Variants in AKAP6 observed in about 807,000 individuals in gnomAD.
The protein encoded by AKAP6 is A-kinase anchoring protein 6.
A neutral mutation model predicts 188.5 loss-of-function variants in AKAP6; 58 were observed. The ratio of observed to expected loss-of-function variants is 0.31; its 90% CI spans 0.25 to 0.38. The LOEUF (loss-of-function observed/expected upper bound fraction) is 0.38. Ranked by LOEUF, AKAP6 falls within the 10% of genes least tolerant of loss-of-function variation. The pLI, the probability that AKAP6 is intolerant of heterozygous loss-of-function variation, is 1.00. For missense variants in AKAP6, 2,710 were observed against 2,740.0 expected (o/e 0.99, Z 0.24); for synonymous variants, 989 against 998.6 (o/e 0.99, Z 0.18).
intron 9 of AKAP6, among the ~76,000 whole-genome samples, chr14:32,702,366 G>A (rs546168091): frequency 1.3e-5 from 2 of 151,756 alleles, no homozygotes; most frequent in East Asian, 3.9e-4. Flanking sequence ...GAGCTTTGAT[G>A]AATCAGTGTT....
chr14:32,445,508 G>C (rs1890725949), intron 2 of AKAP6, among the ~76,000 whole-genome samples: 1 of 152,040 alleles, frequency 6.6e-6, no homozygotes, highest in Non-Finnish European at 1.5e-5. Context: ...GAGTAGCTGG[G>C]ACTACAGGCA....
intron 12 of AKAP6, among the ~76,000 whole-genome samples, chr14:32,792,253 G>A (rs1376908034): frequency 1.3e-5 from 2 of 152,164 alleles, no homozygotes; most frequent in South Asian, 2.1e-4. Flanking sequence ...CTATCCATGA[G>A]CATGGAATGT....
At chr14:32,411,309 C>T (rs2145590) in intron 1 of AKAP6, among the ~76,000 whole-genome samples, 142,412 of 152,230 alleles carry the variant, frequency 0.94, 67,219 homozygotes, top group East Asian at 1. Context: ...CATCCTTCCA[C>T]CAATATCTTT....
Position 32,546,111 on chromosome 14 carries a change from C to G in AKAP6, c.1458C>G (p.Asn486Lys). Residue 486 changes from asparagine (N) to lysine (K), a missense_variant, in exon 4 of 14, where the codon AAC (asparagine) becomes AAG (lysine). Coordinates refer to ENST00000280979, the MANE Select transcript of AKAP6 (RefSeq NM_004274.5). ...TTTCTTCCAGCCTGGGAAGGCTTAA[C>G]GACTGCTATAAAGAGAAATCTCGAC... ...KEISSSLGRLNDCYKEKSRLK... is the reference protein window; with the variant it reads ...KEISSSLGRLKDCYKEKSRLK... The G allele has an allele frequency of 6.2e-7, 1 of 1,614,182 alleles. No homozygotes were observed. Among genetic ancestry groups the G allele is most frequent in the Non-Finnish European group, 8.5e-7 (1 of 1,180,024 alleles).
Position 32,813,397 on chromosome 14 carries a change from C to CCA in AKAP6, c.3589-8004_3589-8003insAC, listed in dbSNP as rs1285018234. On this transcript the variant is annotated intron_variant, in intron 12 of 13. Transcript: ENST00000280979. ...TTTTCATCTCTAACCCTACCCCCCC[C>CCA]CCCAACCCCTTTCCCAGAGGTCCTT... Among the ~76,000 whole-genome samples, 30 of 123,846 alleles carry CCA rather than the reference C, an allele frequency of 2.4e-4. 2 individuals are homozygous for CCA. Among genetic ancestry groups the CCA allele is most frequent in the Middle Eastern group, 3.6e-3 (1 of 274 alleles). The allele number at this position is 123,846 out of a possible 152,430, so 81.2% of individuals were successfully genotyped here.
chr14:32,357,106 T>C (rs1205887631), intron 1 of AKAP6, among the ~76,000 whole-genome samples: 1 of 152,218 alleles, frequency 6.6e-6, no homozygotes, highest in African/African-American at 2.4e-5. Context: ...ACTCTTACCA[T>C]GTGTAGTCAT....
intron 1 of AKAP6, among the ~76,000 whole-genome samples, chr14:32,337,679 G>A (rs952634086): frequency 7.3e-5 from 11 of 151,442 alleles, no homozygotes; most frequent in African/African-American, 1.9e-4. Flanking sequence ...CCATTAACTC[G>A]TCATTTAGCA....
At position 32,568,275 on chromosome 14, in the gene AKAP6, C is replaced by G. The variant is rs117719821; in HGVS notation, c.2347-8845C>G. Among the ~76,000 whole-genome samples, 122 of 152,164 alleles carry G rather than the reference C, an allele frequency of 8.0e-4. 1 individual carries two copies. The East Asian group carries it at 0.022, about 28-fold the overall frequency. Reference sequence around the variant, plus strand: ...ATAGCACAGTAGTCCAGAGCTTAGACCCTGGAACAAAACTATTTAATAACC... The same window carrying G: ...ATAGCACAGTAGTCCAGAGCTTAGAGCCTGGAACAAAACTATTTAATAACC... On this transcript the variant is annotated intron_variant, in intron 4 of 13. Coordinates refer to ENST00000280979, the MANE Select transcript of AKAP6 (RefSeq NM_004274.5). This position sits in a 1 kb window ranked among gnomAD's most constrained non-coding sequence, Gnocchi z 6.2.
At chr14:32,691,497 T>C (rs1189567069) in intron 8 of AKAP6, among the ~76,000 whole-genome samples, 1 of 152,186 alleles carries the variant, frequency 6.6e-6, no homozygotes, top group East Asian at 1.9e-4. Flanking sequence ...GGACATTAAA[T>C]TGTGGTCATT....
At position 32,823,428 on chromosome 14, in the gene AKAP6, T is replaced by C. The variant is rs1307255211; in HGVS notation, c.5615T>C (p.Leu1872Ser). 1.2e-6 allele frequency: 2 copies of C among 1,613,736 alleles called. No individual in the cohort carries two copies. Among genetic ancestry groups the C allele is most frequent in the Non-Finnish European group, 1.7e-6 (2 of 1,179,898 alleles). Residue 1872 changes from leucine (L) to serine (S), a missense_variant, in exon 13 of 14, where the codon TTA becomes TCA. By Grantham distance (145) the Leu-to-Ser change is moderately radical. Around this residue, in one of 2 missense-constraint regions of AKAP6, gnomAD observed 2,473 missense variants for 2,426.1 expected, o/e 1.02. Transcript: ENST00000280979. ...AAGAATTCATCTCATACCCATGAGT[T>C]AGGGACAAAGCGTGAAAATAAGAAA... The part of the protein sequence containing the change: ...NGKNSSHTHE[L>S]GTKRENKKTI...
intron 12 of AKAP6, among the ~76,000 whole-genome samples, chr14:32,792,975 G>A (rs1212942315): frequency 6.6e-6 from 1 of 152,172 alleles, no homozygotes; most frequent in Non-Finnish European, 1.5e-5. Flanking sequence ...GCAAGCAAAT[G>A]CTGAGGGAAT....
chr14:32,459,026 TA>T (rs1332473773), intron 2 of AKAP6, among the ~76,000 whole-genome samples: 2 of 152,118 alleles, frequency 1.3e-5, no homozygotes, highest in Non-Finnish European at 2.9e-5. Flanking sequence ...ATGTTATTAA[TA>T]AAGGAACACT....
chr14:32,406,338 T>C (rs1889293406), intron 1 of AKAP6, among the ~76,000 whole-genome samples: 1 of 152,116 alleles, frequency 6.6e-6, no homozygotes, highest in Non-Finnish European at 1.5e-5. Flanking sequence ...GCCTCCCGAG[T>C]AGCTGGGATT....
chr14:32,341,451 A>G (rs1368000915), intron 1 of AKAP6, among the ~76,000 whole-genome samples: 2 of 152,216 alleles, frequency 1.3e-5, no homozygotes, highest in African/African-American at 2.4e-5. Flanking sequence ...GTTCATTATC[A>G]TAGCAATGTT....
At chr14:32,375,380 A>C (rs1888127535) in intron 1 of AKAP6, among the ~76,000 whole-genome samples, 1 of 152,170 alleles carries the variant, frequency 6.6e-6, no homozygotes. Flanking sequence ...ACACATGTTC[A>C]GGTGTTGTTT....
rs549370384 is a variant in AKAP6, at chr14:32,569,215, A to G, written c.2347-7905A>G. 4.8e-3 allele frequency among the ~76,000 whole-genome samples: 730 copies of G among 152,212 alleles called. 3 individuals are homozygous for G. The highest frequency in any genetic ancestry group is 0.01 in the Middle Eastern group (3 of 294). On this transcript the variant is annotated intron_variant, in intron 4 of 13. Transcript: ENST00000280979. ...TCTTTCTTTCCCACTGACAGTTTTT[A>G]CCTTTATTCTGGAACAATTTTATCA...
chr14:32,608,499 C>CAAA (rs34523121), intron 7 of AKAP6, among the ~76,000 whole-genome samples: 7 of 104,954 alleles, frequency 6.7e-5, no homozygotes, highest in Admixed American at 2.0e-4. Context: ...GAGTCTGTCT[C>CAAA]AAAAAAAAAA....
intron 2 of AKAP6, among the ~76,000 whole-genome samples, chr14:32,447,125 C>G (rs1206353643): frequency 6.6e-6 from 1 of 152,140 alleles, no homozygotes; most frequent in Non-Finnish European, 1.5e-5. Flanking sequence ...GCAAACAACT[C>G]GTCTCTCTAC....
At chr14:32,603,302 C>T (rs570100620) in intron 7 of AKAP6, among the ~76,000 whole-genome samples, 277 of 151,944 alleles carry the variant, frequency 1.8e-3, no homozygotes, top group African/African-American at 6.0e-3. Flanking sequence ...GGGAGTATGC[C>T]GAAGTGGACT....
Sources: gnomAD v4.1 joint callset for allele counts (sites outside exome capture counted in the v4.1 genomes callset) on GRCh38, gnomAD v4.1.1 for gene constraint, gnomAD v4.1.1 regional missense constraint, Gnocchi (gnomAD v3.1) non-coding constraint, MANE v1.5 for transcripts, NCBI Gene and HGNC (gene_info 2026-07-23, HGNC 2026-07-21) for gene names.